TTLL5: variants seen among roughly 807,000 people sequenced by gnomAD.
TTLL5 encodes tubulin polyglutamylase TTLL5.
A neutral mutation model predicts 168.4 loss-of-function variants in TTLL5; 132 were observed. The observed-to-expected ratio is 0.78, with a 90% CI of 0.68 to 0.91. TTLL5 has a LOEUF of 0.91. Among genes scored for constraint, TTLL5 ranks in the 40% least tolerant of loss-of-function variants. TTLL5 has a pLI of 0.00. For missense variants in TTLL5, 1,545 were observed against 1,581.5 expected (o/e 0.98, Z 0.39); for synonymous variants, 546 against 558.6 (o/e 0.98, Z 0.32).
intron 29 of TTLL5, among the ~76,000 whole-genome samples, chr14:75,871,839 C>A (rs1347633512): frequency 6.6e-6 from 1 of 152,138 alleles, no homozygotes; most frequent in African/African-American, 2.4e-5. Flanking sequence ...AGTAAACCAA[C>A]CATGTGAGAT....
chr14:75,679,017 T>G (rs1884393176), intron 3 of TTLL5, among the ~76,000 whole-genome samples: 1 of 152,238 alleles, frequency 6.6e-6, no homozygotes, highest in South Asian at 2.1e-4. Context: ...TCTACATTTA[T>G]TAGCTGGATT....
intron 31 of TTLL5, among the ~76,000 whole-genome samples, chr14:75,911,799 C>T (rs1295729390): frequency 1.3e-5 from 2 of 152,218 alleles, no homozygotes; most frequent in Admixed American, 6.5e-5. Context: ...AATGACCGCT[C>T]ACAGGCCTTC....
chr14:75,894,547 T>C (rs1189013852), intron 30 of TTLL5, among the ~76,000 whole-genome samples: 4 of 151,962 alleles, frequency 2.6e-5, no homozygotes, highest in Non-Finnish European at 4.4e-5. Flanking sequence ...AGAGCAAGAC[T>C]CTGTCTCAAA....
intron 29 of TTLL5, among the ~76,000 whole-genome samples, chr14:75,874,442 T>C (rs532319395): frequency 5.6e-4 from 85 of 152,268 alleles, no homozygotes; most frequent in Non-Finnish European, 1.1e-3. Context: ...GACATGTTTG[T>C]CCAAAGGCAT....
chr14:75,741,058 A>G (rs1051573539), intron 15 of TTLL5, among the ~76,000 whole-genome samples: 3 of 152,226 alleles, frequency 2.0e-5, no homozygotes, highest in Admixed American at 1.3e-4. Context: ...CTGATTCAAC[A>G]TCTGTTTCTT....
At position 75,719,760 on chromosome 14, in the gene TTLL5, T is replaced by C. The variant is rs1408225987; in HGVS notation, c.868T>C (p.Tyr290His). The change falls in exon 11 of 32, where the codon TAT becomes CAT. Residue 290 changes from tyrosine (Y) to histidine (H), a missense_variant. Physicochemically the swap from Tyr to His is moderately conservative, Grantham distance 83. Transcript: ENST00000298832. Reference sequence around the variant, plus strand: ...TTGTGACGATCCAGAAGTGGAGGATTATGGAAACAAATGGAGCATGAGTGC... The same window carrying C: ...TTGTGACGATCCAGAAGTGGAGGATCATGGAAACAAATGGAGCATGAGTGC... ...VSCDDPEVED[Y>H]GNKWSMSAML... 6.2e-7 allele frequency: 1 copy of C among 1,612,270 alleles called. No individual in the cohort carries two copies. The highest frequency in any genetic ancestry group is 2.2e-5 in the East Asian group (1 of 44,744).
chr14:75,879,521 G>C (rs2140013030), intron 29 of TTLL5, among the ~76,000 whole-genome samples: 1 of 152,302 alleles, frequency 6.6e-6, no homozygotes, highest in African/African-American at 2.4e-5. Flanking sequence ...TTTATTTCAA[G>C]AAATCCTTAT....
intron 15 of TTLL5, among the ~76,000 whole-genome samples, chr14:75,741,804 C>G (rs1409309328): frequency 6.6e-6 from 1 of 152,084 alleles, no homozygotes; most frequent in Non-Finnish European, 1.5e-5. Context: ...GTAGCTAGAC[C>G]TAGAATTGTA....
intron 15 of TTLL5, among the ~76,000 whole-genome samples, chr14:75,736,499 G>C (rs1888917369): frequency 6.6e-6 from 1 of 152,190 alleles, no homozygotes; most frequent in Non-Finnish European, 1.5e-5. Context: ...AGAGTGATAT[G>C]ACTGAGGTAA....
chr14:75,950,980 A>G (rs898263587), intron 31 of TTLL5, among the ~76,000 whole-genome samples: 1 of 151,744 alleles, frequency 6.6e-6, no homozygotes, highest in Non-Finnish European at 1.5e-5. Flanking sequence ...AAAAAAAAAC[A>G]AATGTGTTTT....
chr14:75,773,955 G>T (rs1325703340), intron 21 of TTLL5, among the ~76,000 whole-genome samples: 1 of 37,402 alleles, frequency 2.7e-5, no homozygotes. Flanking sequence ...GAGAGAGAGA[G>T]AAAGAGAGAG....
chr14:75,764,939 A>G (rs1890872232), intron 19 of TTLL5, among the ~76,000 whole-genome samples, 167 bp downstream of exon 19: 1 of 152,212 alleles, frequency 6.6e-6, no homozygotes, highest in Non-Finnish European at 1.5e-5. Context: ...TTAAGTTTTT[A>G]AACCTTCCAC....
chr14:75,830,730 G>A (rs1024182757), intron 28 of TTLL5, among the ~76,000 whole-genome samples: 2 of 152,132 alleles, frequency 1.3e-5, no homozygotes, highest in African/African-American at 4.8e-5. Flanking sequence ...TTAAGTGTAT[G>A]TTGTCTTATT....
intron 27 of TTLL5, among the ~76,000 whole-genome samples, chr14:75,800,117 G>A (rs970976997): frequency 2.0e-5 from 3 of 152,118 alleles, no homozygotes; most frequent in Admixed American, 6.5e-5. Context: ...CTTAGGTTTG[G>A]TCGTTTAACA....
intron 3 of TTLL5, among the ~76,000 whole-genome samples, chr14:75,671,019 T>A (rs948549597): frequency 6.6e-6 from 1 of 152,212 alleles, no homozygotes. Flanking sequence ...AAGAGTTTTA[T>A]GGTTTAAGCT....
chr14:75,888,703 A>G (rs1290900202), intron 30 of TTLL5, among the ~76,000 whole-genome samples: 9 of 152,166 alleles, frequency 5.9e-5, no homozygotes, highest in Non-Finnish European at 1.0e-4. Flanking sequence ...TGGGAGGCCG[A>G]GGCGGGTGGG....
At chr14:75,752,847 C>G in intron 17 of TTLL5, 46 bp from the exon 18 acceptor site, 1 of 1,571,736 alleles carries the variant, frequency 6.4e-7, no homozygotes, top group East Asian at 2.2e-5. Context: ...ACATTTTCCT[C>G]TTGAACTAGC....
chr14:75,695,601 C>T (rs1885780812), intron 6 of TTLL5, among the ~76,000 whole-genome samples: 1 of 152,142 alleles, frequency 6.6e-6, no homozygotes, highest in East Asian at 1.9e-4. Flanking sequence ...CTCCCCTGGA[C>T]ACCAGCTTTA....
intron 31 of TTLL5, among the ~76,000 whole-genome samples, chr14:75,914,724 C>A (rs1006933632): frequency 2.0e-5 from 3 of 150,854 alleles, no homozygotes; most frequent in Non-Finnish European, 4.4e-5. Context: ...CCCAGGTTCA[C>A]GCCATTCTCC....
Sources: allele counts gnomAD v4.1 joint callset (sites outside exome capture counted in the v4.1 genomes callset), GRCh38; gene constraint gnomAD v4.1.1; transcripts MANE v1.5; gene names NCBI Gene and HGNC (gene_info 2026-07-23, HGNC 2026-07-21).